Variants in KCNIP4 observed in about 807,000 individuals in gnomAD.
KCNIP4 encodes the protein potassium voltage-gated channel interacting protein 4.
KCNIP4 carries 12 observed loss-of-function variants against 34.0 expected under a neutral mutation model. The observed-to-expected ratio is 0.35, with a 90% CI of 0.23 to 0.57. KCNIP4 has a LOEUF of 0.57. KCNIP4 is among the 20% of genes least tolerant of loss of function. The probability of loss-of-function intolerance (pLI) is 0.83; values close to 1 mark genes in which losing one functional copy is unlikely to be tolerated. For synonymous variants in KCNIP4, 124 were observed against 102.2 expected (o/e 1.21, Z -1.29); for missense variants, 238 against 311.7 (o/e 0.76, Z 1.78).
chr4:21,288,506 T>C (rs888818933), intron 1 of KCNIP4, among the ~76,000 whole-genome samples: 5 of 152,244 alleles, frequency 3.3e-5, no homozygotes, highest in Admixed American at 1.3e-4. Context: ...GCTTACATAG[T>C]GTTAACCTTG....
At chr4:21,700,620 C>T (rs1712757025) in intron 1 of KCNIP4, among the ~76,000 whole-genome samples, 1 of 151,900 alleles carries the variant, frequency 6.6e-6, no homozygotes, top group Non-Finnish European at 1.5e-5. Context: ...TTTCATTTCT[C>T]TATTTTTGTT....
At chr4:21,661,965 C>T (rs367628912) in intron 1 of KCNIP4, among the ~76,000 whole-genome samples, 6 of 152,190 alleles carry the variant, frequency 3.9e-5, no homozygotes, top group African/African-American at 1.4e-4. Flanking sequence ...AGAAAATTTT[C>T]AGTTGCTGTA....
At chr4:20,926,823 T>G (rs1729945870) in intron 1 of KCNIP4, among the ~76,000 whole-genome samples, 1 of 152,216 alleles carries the variant, frequency 6.6e-6, no homozygotes. Context: ...ATTTGTGCTT[T>G]CAACTTAGTT....
intron 1 of KCNIP4, among the ~76,000 whole-genome samples, chr4:21,409,312 C>A (rs1298689115): frequency 6.6e-6 from 1 of 151,750 alleles, no homozygotes; most frequent in Non-Finnish European, 1.5e-5. Flanking sequence ...AGGCAGGGGT[C>A]TCACTATGTT....
intron 1 of KCNIP4, among the ~76,000 whole-genome samples, chr4:21,145,455 T>C (rs959772535): frequency 2.0e-4 from 30 of 152,254 alleles, no homozygotes; most frequent in African/African-American, 7.2e-4. Flanking sequence ...ACAGGTGAAA[T>C]GGATGCAACT....
At chr4:21,117,314 G>C (rs59872714) in intron 1 of KCNIP4, among the ~76,000 whole-genome samples, 7 of 127,864 alleles carry the variant, frequency 5.5e-5, no homozygotes, top group East Asian at 2.8e-4. Context: ...GGGGGGGGGG[G>C]GGGGGCGCTG....
At chr4:21,151,427 T>C (rs1372152999) in intron 1 of KCNIP4, among the ~76,000 whole-genome samples, 1 of 144,246 alleles carries the variant, frequency 6.9e-6, no homozygotes, top group East Asian at 2.0e-4. Flanking sequence ...TTTTTTTTTT[T>C]TTTTTTTGCT....
intron 1 of KCNIP4, among the ~76,000 whole-genome samples, chr4:21,192,288 G>A (rs1449672723): frequency 6.6e-6 from 1 of 152,048 alleles, no homozygotes; most frequent in African/African-American, 2.4e-5. Flanking sequence ...ACACTCTTGA[G>A]GAAAACACTC....
At chr4:21,724,234 A>T (rs575781305) in intron 1 of KCNIP4, among the ~76,000 whole-genome samples, 1 of 152,160 alleles carries the variant, frequency 6.6e-6, no homozygotes, top group East Asian at 1.9e-4. Flanking sequence ...TGAGGTACAG[A>T]CTAAGAGAAT....
chr4:21,908,824 C>T (rs1339915176), intron 1 of KCNIP4, among the ~76,000 whole-genome samples: 1 of 152,114 alleles, frequency 6.6e-6, no homozygotes, highest in East Asian at 1.9e-4. Context: ...CCTTCAACTC[C>T]TTAATGAGGT....
chr4:21,015,794 T>G (rs1273083624), intron 1 of KCNIP4, among the ~76,000 whole-genome samples: 1 of 136,612 alleles, frequency 7.3e-6, no homozygotes, highest in Non-Finnish European at 1.5e-5. Flanking sequence ...TATAAATATA[T>G]ATAAATATAT....
intron 1 of KCNIP4, among the ~76,000 whole-genome samples, chr4:21,760,323 C>T (rs1717958918): frequency 6.6e-6 from 1 of 152,010 alleles, no homozygotes; most frequent in Non-Finnish European, 1.5e-5. Flanking sequence ...ACAAGAAAAA[C>T]CCTGGTAATA....
At chr4:21,517,079 A>T (rs1044040731) in intron 1 of KCNIP4, among the ~76,000 whole-genome samples, 13 of 152,154 alleles carry the variant, frequency 8.5e-5, no homozygotes, top group African/African-American at 3.1e-4. Flanking sequence ...AGATCCTCAT[A>T]GCTTTTTGTG....
At chr4:20,879,901 T>C (rs1328794458) in intron 2 of KCNIP4, among the ~76,000 whole-genome samples, 5 of 152,182 alleles carry the variant, frequency 3.3e-5, no homozygotes, top group African/African-American at 1.2e-4. Flanking sequence ...TAGATAGATA[T>C]ATACACAAAG....
At chr4:21,621,300 G>A (rs1032595258) in intron 1 of KCNIP4, among the ~76,000 whole-genome samples, 18 of 152,158 alleles carry the variant, frequency 1.2e-4, no homozygotes, top group Admixed American at 1.2e-3. Flanking sequence ...AGTTGAAACT[G>A]CAGCTGCCTC....
chr4:21,803,458 T>C (rs1470789984), intron 1 of KCNIP4, among the ~76,000 whole-genome samples: 1 of 152,176 alleles, frequency 6.6e-6, no homozygotes, highest in Non-Finnish European at 1.5e-5. Context: ...CACTGTGATG[T>C]GATAACACCA....
In KCNIP4 at chr4:20,975,259, T is replaced by C. The variant is rs532503705; in HGVS notation, c.62-92550A>G. ...TTTTAACATTTGTTCATTGAATGTA[T>C]GTGTCCTAGACTCGAAAGGCTCAAT... On this transcript the variant is annotated intron_variant, in intron 1 of 8. Transcript: ENST00000382152. 2.0e-5 allele frequency among the ~76,000 whole-genome samples: 3 copies of C among 152,252 alleles called. No individual in the cohort carries two copies. In the South Asian group the frequency reaches 6.2e-4, roughly 32 times the overall value.
chr4:21,633,628 A>G (rs1745914278), intron 1 of KCNIP4, among the ~76,000 whole-genome samples: 1 of 152,136 alleles, frequency 6.6e-6, no homozygotes, highest in Non-Finnish European at 1.5e-5. Context: ...TACCTTATTG[A>G]ATGCAGTAGA....
chr4:20,777,056 T>A (rs1756437022), intron 3 of KCNIP4, among the ~76,000 whole-genome samples: 1 of 152,028 alleles, frequency 6.6e-6, no homozygotes, highest in Non-Finnish European at 1.5e-5. Context: ...CTTTGGGAGG[T>A]GTGTTAGTTC....
Sources: allele counts gnomAD v4.1 joint callset (sites outside exome capture counted in the v4.1 genomes callset), GRCh38; gene constraint gnomAD v4.1.1; transcripts MANE v1.5; gene names NCBI Gene and HGNC (gene_info 2026-07-23, HGNC 2026-07-21).